The following TMEM44 variants were observed in gnomAD, a reference collection of about 807,000 sequenced individuals.
The protein encoded by TMEM44 is transmembrane protein 44.
TMEM44 carries 43 observed loss-of-function variants against 47.8 expected under a neutral mutation model. That is an observed-to-expected ratio of 0.90 (90% confidence interval 0.70 to 1.16). The LOEUF (loss-of-function observed/expected upper bound fraction) is 1.16. Ranked by LOEUF, TMEM44 falls within the 50% of genes most tolerant of loss-of-function variation. The probability of loss-of-function intolerance (pLI) is 0.00; values close to 1 mark genes in which losing one functional copy is unlikely to be tolerated. For synonymous variants in TMEM44, 277 were observed against 238.8 expected, an observed-to-expected ratio of 1.16 and a Z score of -1.48; for missense variants, 568 against 555.2, an observed-to-expected ratio of 1.02 and a Z score of -0.23.
Position 194,588,229 on chromosome 3 carries a change from A to AG in TMEM44, c.*299dup. The AG allele has an allele frequency of 3.0e-6, 1 of 336,714 alleles. No homozygotes were observed. The highest frequency in any genetic ancestry group is 5.5e-6 in the Non-Finnish European group (1 of 182,542). The allele number at this position is 336,714 out of a possible 1,614,324, so 20.9% of individuals were successfully genotyped here. A position where few individuals can be genotyped will look rare whatever the true frequency, so the allele number is the denominator to read the frequency against. ...TCATGGCTGACTCTCAAGGGAATGA[A>AG]GGGAAAAGGAAGAGCGGGTCTGAGA... On this transcript the variant is annotated 3_prime_UTR_variant, in exon 10 of 10. Transcript: ENST00000347147.
intron 9 of TMEM44, among the ~76,000 whole-genome samples, chr3:194,603,131 CCTCG>C (rs1335428192): frequency 6.6e-6 from 1 of 152,212 alleles, no homozygotes; most frequent in Non-Finnish European, 1.5e-5. Flanking sequence ...ATGGAAACCT[CCTCG>C]CTGAATGGGG....
chr3:194,623,465 C>A, intron 4 of TMEM44, 64 bp downstream of exon 4: 1 of 1,524,166 alleles, frequency 6.6e-7, no homozygotes, highest in Non-Finnish European at 8.8e-7. Flanking sequence ...CGGCCTCATC[C>A]CACCCTGGGC....
intron 9 of TMEM44, among the ~76,000 whole-genome samples, chr3:194,597,742 C>T (rs1201032534): frequency 6.6e-6 from 1 of 152,128 alleles, no homozygotes; most frequent in Non-Finnish European, 1.5e-5. Flanking sequence ...TGTTTGGTCC[C>T]GTCCCTGCTG....
At chr3:194,624,416 C>CCT (rs1477409243) in intron 3 of TMEM44, among the ~76,000 whole-genome samples, 1 of 151,914 alleles carries the variant, frequency 6.6e-6, no homozygotes, top group Non-Finnish European at 1.5e-5. Context: ...TGCAGCACCC[C>CCT]CTCTGATTCA....
intron 1 of TMEM44, among the ~76,000 whole-genome samples, chr3:194,628,979 C>T (rs946036817): frequency 6.6e-6 from 1 of 152,118 alleles, no homozygotes; most frequent in African/African-American, 2.4e-5. Context: ...TCCTGGCCAA[C>T]ATGGTGAAAC....
At position 194,622,985 on chromosome 3, in the gene TMEM44, C is replaced by T. The variant is rs890986087; in HGVS notation, c.612+239G>A. 1.8e-5 allele frequency: 8 copies of T among 446,422 alleles called. No individual in the cohort carries two copies. In the Admixed American group the frequency reaches 2.6e-4, roughly 15 times the overall value. 27.7% of individuals were successfully genotyped at this position (446,422 alleles called of 1,614,324 possible). On this transcript the variant is annotated intron_variant, in intron 5 of 9. Coordinates refer to ENST00000347147, the MANE Select transcript of TMEM44 (RefSeq NM_001011655.3). ...ATTTGCTATAGGAAATGGGGAAGAA[C>T]ACACGGGCTTTCCCCGAGAGGCTCC...
At chr3:194,597,680 A>T (rs979493708) in intron 9 of TMEM44, among the ~76,000 whole-genome samples, 15 of 152,070 alleles carry the variant, frequency 9.9e-5, no homozygotes, top group African/African-American at 3.6e-4. Flanking sequence ...AAAGAAAAAA[A>T]AATAAATTCA....
intron 9 of TMEM44, 69 bp downstream of exon 9, chr3:194,604,218 A>G: frequency 1.3e-6 from 2 of 1,535,142 alleles, no homozygotes; most frequent in African/African-American, 1.4e-5. Context: ...ACAAGCCCCA[A>G]GGAGCACCCA....
At chr3:194,614,399 A>C (rs1409381764) in intron 7 of TMEM44, among the ~76,000 whole-genome samples, 1 of 152,108 alleles carries the variant, frequency 6.6e-6, no homozygotes, top group East Asian at 1.9e-4. Context: ...ATGAGTGAAA[A>C]TCACATAATT....
intron 9 of TMEM44, among the ~76,000 whole-genome samples, chr3:194,597,673 G>GA (rs550627894): frequency 0.013 from 1,935 of 149,010 alleles, 16 homozygotes; most frequent in South Asian, 0.027. Flanking sequence ...AAAGAAAAAA[G>GA]AAAAAAAAAT....
chr3:194,603,347 G>A (rs1025588364), intron 9 of TMEM44, among the ~76,000 whole-genome samples: 1 of 152,218 alleles, frequency 6.6e-6, no homozygotes, highest in Non-Finnish European at 1.5e-5. Flanking sequence ...GATGTAGCTG[G>A]TGCTCCTCGG....
At chr3:194,621,348 G>A (rs1369042105) in intron 5 of TMEM44, among the ~76,000 whole-genome samples, 3 of 152,160 alleles carry the variant, frequency 2.0e-5, no homozygotes, top group Admixed American at 6.5e-5. Flanking sequence ...CTCTGGCACC[G>A]AGACAATAAA....
In TMEM44 at chr3:194,604,287, C is replaced by T. The variant is rs376789008; in HGVS notation, c.1176G>A (p.Glu392=). ...SEVSSINSDL[E]WDPEDVNLEG... ...CGCCCAGCAGGCAACAGCCGTGTACCTCCAGGTCGGAGTTGATGGAGGAGA... is the reference window on the plus strand; with the variant it reads ...CGCCCAGCAGGCAACAGCCGTGTACTTCCAGGTCGGAGTTGATGGAGGAGA... The change falls in exon 9 of 10, where the codon GAG becomes GAA. Residue 392 remains glutamate, a splice_region_variant and synonymous_variant. Transcript: ENST00000347147. 1.3e-6 allele frequency: 2 copies of T among 1,577,124 alleles called. No homozygotes were observed. The highest frequency in any genetic ancestry group is 3.7e-5 in the Admixed American group (2 of 54,402).
At position 194,623,696 on chromosome 3, in the gene TMEM44, C is replaced by A. The variant is rs1226725213; in HGVS notation, c.359-1G>T. ...CTCTTCCTCTCTCGGGCTTCCCGATCTGCAACAGACACCAAAATCCCACAT... is the reference window on the plus strand; with the variant it reads ...CTCTTCCTCTCTCGGGCTTCCCGATATGCAACAGACACCAAAATCCCACAT... On this transcript the variant is annotated splice_acceptor_variant, in intron 3 of 9. Transcript: ENST00000347147. LOFTEE classifies it high-confidence loss of function. 6.2e-7 allele frequency: 1 copy of A among 1,613,992 alleles called. No homozygotes were observed. Among genetic ancestry groups the A allele is most frequent in the South Asian group, 1.1e-5 (1 of 91,054 alleles).
rs1183024120 is a variant in TMEM44 at position 194,604,500 on chromosome 3, T to C, written c.1018-55A>G. On this transcript the variant is annotated intron_variant, in intron 8 of 9. Coordinates refer to ENST00000347147, the MANE Select transcript of TMEM44 (RefSeq NM_001011655.3). The stretch of plus-strand genomic sequence containing the variant: ...GGACACGTAGTTTAGTTTTGATGGT[T>C]GAATTGTCAAAGCATTCACATACTT... 3 of 1,455,188 alleles carry C rather than the reference T, an allele frequency of 2.1e-6. No homozygotes were observed. The African/African-American group carries it at 4.3e-5, about 21-fold the overall frequency. 90.1% of individuals were successfully genotyped at this position (1,455,188 alleles called of 1,614,324 possible).
At position 194,588,544 on chromosome 3, in the gene TMEM44, C is replaced by T; in HGVS notation, c.1272G>A (p.Leu424=). The T allele has an allele frequency of 6.2e-7, 1 of 1,614,146 alleles. No homozygotes were observed. The highest frequency in any genetic ancestry group is 8.5e-7 in the Non-Finnish European group (1 of 1,180,006). ...VHQDSVRTAH[L]SDDD ...CCAGAAGGTGTTAATCATCATCACT[C>T]AGGTGTGCTGTCCTCACAGAGTCCT... The change falls in exon 10 of 10, where the codon CTG becomes CTA. Residue 424 remains leucine, a synonymous_variant. Coordinates refer to ENST00000347147, the MANE Select transcript of TMEM44 (RefSeq NM_001011655.3).
rs899277282 is a variant in TMEM44 at position 194,593,505 on chromosome 3, G to C, written c.1177-4866C>G. 2.0e-5 allele frequency among the ~76,000 whole-genome samples: 3 copies of C among 152,082 alleles called. No homozygotes were observed. In the East Asian group the frequency reaches 5.8e-4, roughly 29 times the overall value. On this transcript the variant is annotated intron_variant, in intron 9 of 9. Transcript: ENST00000347147. ...TGCAAATATGGGGTATTTGCTACCA[G>C]CCAAGATTCATTTGTAGTCAGTGTT... is the stretch of plus-strand genomic sequence containing the variant.
At chr3:194,631,984 G>A (rs969029989) in intron 1 of TMEM44, among the ~76,000 whole-genome samples, 4 of 152,182 alleles carry the variant, frequency 2.6e-5, no homozygotes, top group Non-Finnish European at 4.4e-5. Flanking sequence ...CGTGTCCAGC[G>A]CCTTGTTAGT....
chr3:194,612,381 C>A (rs888937485), intron 7 of TMEM44, among the ~76,000 whole-genome samples: 4 of 152,302 alleles, frequency 2.6e-5, no homozygotes, highest in Non-Finnish European at 4.4e-5. Flanking sequence ...ATAAAAAATG[C>A]TTTCCTCTGC....
Sources: gnomAD v4.1 joint callset for allele counts (sites outside exome capture counted in the v4.1 genomes callset) on GRCh38, gnomAD v4.1.1 for gene constraint, MANE v1.5 for transcripts, NCBI Gene and HGNC (gene_info 2026-07-23, HGNC 2026-07-21) for gene names.